Variants in ANO2 observed in about 807,000 individuals in gnomAD.
The protein encoded by ANO2 is anoctamin-2.
Under a neutral mutation model 124.2 loss-of-function variants are expected in ANO2, and 101 were observed. The observed-to-expected ratio is 0.81, with a 90% CI of 0.69 to 0.96. ANO2 has a LOEUF of 0.96. Ranked by LOEUF, ANO2 falls within the 40% of genes least tolerant of loss-of-function variation. ANO2 has a pLI of 0.00. For synonymous variants in ANO2, 486 were observed against 482.5 expected (o/e 1.01, Z -0.09); for missense variants, 1,293 against 1,274.5 (o/e 1.01, Z -0.22).
At chr12:5,802,268 C>T (rs920375155) in intron 9 of ANO2, among the ~76,000 whole-genome samples, 1 of 152,192 alleles carries the variant, frequency 6.6e-6, no homozygotes, top group Non-Finnish European at 1.5e-5. Flanking sequence ...AAGATGTATC[C>T]ACAGCTTGTG....
Position 5,636,721 on chromosome 12 carries a change from G to T in ANO2, c.1621-1374C>A, listed in dbSNP as rs1946035807. Among the ~76,000 whole-genome samples, 1 of 151,718 alleles carries T rather than the reference G, an allele frequency of 6.6e-6. No individual in the cohort carries two copies. Among genetic ancestry groups the T allele is most frequent in the African/African-American group, 2.4e-5 (1 of 41,282 alleles). On this transcript the variant is annotated intron_variant, in intron 15 of 24. Transcript: ENST00000682330. The surrounding 1 kb of genome is among the most constrained non-coding windows in gnomAD (Gnocchi z 4.6). Reference sequence around the variant, plus strand: ...GGAGAGGCACAGGAGGAAAGGGGAGGGGAAGTGGGGGCCTCTGGCTTGGGC... The same window carrying T: ...GGAGAGGCACAGGAGGAAAGGGGAGTGGAAGTGGGGGCCTCTGGCTTGGGC...
In ANO2 at chr12:5,830,420, C is replaced by T. The variant is rs1338435190; in HGVS notation, c.840+15G>A. On this transcript the variant is annotated intron_variant, in intron 6 of 24. Transcript: ENST00000682330. ...CCCCATCCTCTTTCCTAACACAGTA[C>T]ATCCATTTACTTACAATGCGGCTGC... 2.5e-6 allele frequency: 4 copies of T among 1,611,518 alleles called. No homozygotes were observed. The African/African-American group carries it at 4.0e-5, about 16-fold the overall frequency.
intron 14 of ANO2, among the ~76,000 whole-genome samples, chr12:5,691,733 G>A (rs547381461): frequency 8.6e-5 from 13 of 152,044 alleles, no homozygotes; most frequent in East Asian, 1.9e-4. Flanking sequence ...GCAAAACCCC[G>A]TCTCTACTAA....
At chr12:5,890,687 G>A (rs1271744957) in intron 3 of ANO2, among the ~76,000 whole-genome samples, 7 of 152,210 alleles carry the variant, frequency 4.6e-5, no homozygotes, top group Non-Finnish European at 8.8e-5. Context: ...GGAGGCAGCA[G>A]GGGAAGAATT....
chr12:5,839,839 C>T (rs968975644), intron 4 of ANO2, among the ~76,000 whole-genome samples: 2 of 152,172 alleles, frequency 1.3e-5, no homozygotes, highest in African/African-American at 4.8e-5. Flanking sequence ...TGGCCACAGT[C>T]AGTGGTAAAA....
chr12:5,732,694 T>C (rs1355336413), intron 13 of ANO2, 64 bp from the exon 14 acceptor site: 4 of 1,550,414 alleles, frequency 2.6e-6, no homozygotes, highest in Admixed American at 3.4e-5. Flanking sequence ...CTTAGGGTTA[T>C]AACCAGACAC....
rs143830628 is a variant in ANO2, at chr12:5,733,613, G to A, written c.1435-983C>T. On this transcript the variant is annotated intron_variant, in intron 13 of 24. Coordinates refer to ENST00000682330, the MANE Select transcript of ANO2 (RefSeq NM_001364791.2). Reference sequence around the variant, plus strand: ...TATGTCAGAGATTCCAAAGGTCAACGGGCCAGGCTTTTGACCTGTCTCTGG... The same window carrying A: ...TATGTCAGAGATTCCAAAGGTCAACAGGCCAGGCTTTTGACCTGTCTCTGG... 5.0e-3 allele frequency among the ~76,000 whole-genome samples: 769 copies of A among 152,330 alleles called. 4 individuals carry two copies. The highest frequency in any genetic ancestry group is 0.027 in the Middle Eastern group (8 of 294).
In ANO2 at chr12:5,750,914, G is replaced by T; in HGVS notation, c.1112C>A (p.Ser371Ter). The T allele has an allele frequency of 6.2e-7, 1 of 1,610,994 alleles. No homozygotes were observed. The highest frequency in any genetic ancestry group is 1.1e-5 in the South Asian group (1 of 90,280). Residue 371 changes from serine (S) to a stop codon, truncating the protein, a stop_gained, in exon 11 of 25, where the codon TCA (serine) becomes TAA (stop). Coordinates refer to ENST00000682330, the MANE Select transcript of ANO2 (RefSeq NM_001364791.2). LOFTEE classifies it high-confidence loss of function. ...AATTACAGAAGATGGGATGAGGAAT[G>T]ATGTATATAATCCCAGCCAGGCAAA... ...LYFAWLGLYT[S>*]FLIPSSVIGV...
intron 3 of ANO2, among the ~76,000 whole-genome samples, chr12:5,915,401 T>C (rs1005524725): frequency 1.3e-5 from 2 of 152,150 alleles, no homozygotes; most frequent in African/African-American, 4.8e-5. Context: ...TATGTGCCAA[T>C]TATCATCCTG....
intron 1 of ANO2, among the ~76,000 whole-genome samples, chr12:5,924,146 C>T (rs1014364713): frequency 1.3e-5 from 2 of 152,158 alleles, no homozygotes; most frequent in Admixed American, 1.3e-4. Flanking sequence ...AATGAATGAA[C>T]AAAAGCAACT....
At chr12:5,685,805 C>T (rs76396404) in intron 14 of ANO2, among the ~76,000 whole-genome samples, 1 of 63,400 alleles carries the variant, frequency 1.6e-5, no homozygotes, top group African/African-American at 3.3e-5. Context: ...AAACAAAAAA[C>T]ACAAAAAACA....
At chr12:5,595,176 C>T (rs1943597278) in intron 20 of ANO2, among the ~76,000 whole-genome samples, 1 of 152,116 alleles carries the variant, frequency 6.6e-6, no homozygotes, top group Non-Finnish European at 1.5e-5. Flanking sequence ...CTTTGTGTAT[C>T]AGACATACCG....
intron 16 of ANO2, among the ~76,000 whole-genome samples, chr12:5,627,324 C>T (rs1945468407): frequency 6.6e-6 from 1 of 152,130 alleles, no homozygotes; most frequent in Non-Finnish European, 1.5e-5. Context: ...AGCCGGGAGC[C>T]CCAGAGAGCC....
At chr12:5,860,131 G>A (rs74059026) in intron 3 of ANO2, among the ~76,000 whole-genome samples, 3 of 151,936 alleles carry the variant, frequency 2.0e-5, no homozygotes, top group Non-Finnish European at 4.4e-5. Context: ...AGCTTCCTAC[G>A]CTCAAGCCTC....
intron 1 of ANO2, among the ~76,000 whole-genome samples, chr12:5,931,065 G>A (rs1205927099): frequency 6.6e-6 from 1 of 152,044 alleles, no homozygotes; most frequent in Admixed American, 6.6e-5. Context: ...CTCTCATCCT[G>A]GGCTCACACC....
chr12:5,625,254 T>C (rs1413792757), intron 16 of ANO2, among the ~76,000 whole-genome samples: 1 of 151,996 alleles, frequency 6.6e-6, no homozygotes, highest in Non-Finnish European at 1.5e-5. Flanking sequence ...AGTGTGTTGT[T>C]GTCCAGGCAC....
intron 20 of ANO2, chr12:5,583,877 C>T: frequency 5.0e-6 from 1 of 199,472 alleles, no homozygotes; most frequent in South Asian, 1.1e-4. Flanking sequence ...ACAAAGATGG[C>T]ATTCCCATCA....
intron 11 of ANO2, among the ~76,000 whole-genome samples, chr12:5,745,078 T>G (rs944020648): frequency 1.1e-3 from 166 of 152,360 alleles, no homozygotes; most frequent in African/African-American, 3.8e-3. Flanking sequence ...CTTAGTGTAT[T>G]TCCATTTAAT....
At chr12:5,695,255 T>C (rs4930786) in intron 14 of ANO2, among the ~76,000 whole-genome samples, 18,095 of 151,934 alleles carry the variant, frequency 0.12, 1,220 homozygotes, top group African/African-American at 0.18. Flanking sequence ...AACTACGACT[T>C]TGAACAACAT....
Sources: gnomAD v4.1 joint callset for allele counts (sites outside exome capture counted in the v4.1 genomes callset) on GRCh38, gnomAD v4.1.1 for gene constraint, Gnocchi (gnomAD v3.1) non-coding constraint, MANE v1.5 for transcripts, NCBI Gene and HGNC (gene_info 2026-07-23, HGNC 2026-07-21) for gene names.